Variants in ABHD17B observed in about 807,000 individuals in gnomAD.
ABHD17B encodes the protein alpha/beta hydrolase domain-containing protein 17B.
Under a neutral mutation model 26.2 loss-of-function variants are expected in ABHD17B, and 9 were observed. That is an observed-to-expected ratio of 0.34 (90% CI 0.21 to 0.60). The LOEUF is 0.60. ABHD17B is among the 20% of genes least tolerant of loss of function. The pLI is 0.80. For missense variants in ABHD17B, 224 were observed against 352.1 expected (o/e 0.64, Z 2.91); for synonymous variants, 127 against 122.3 (o/e 1.04, Z -0.25).
At chr9:71,862,609 T>C (rs1279880082), downstream of ABHD17B, 1 of 1,253,526 alleles carries the variant, frequency 8.0e-7, no homozygotes, top group Admixed American at 1.7e-5. Context: ...TTTCTGCACC[T>C]GTAAAATAAA....
intron 2 of ABHD17B, among the ~76,000 whole-genome samples, chr9:71,870,948 AG>A (rs1257599844): frequency 6.6e-6 from 1 of 152,200 alleles, no homozygotes; most frequent in Non-Finnish European, 1.5e-5. Context: ...AAATGGCCAC[AG>A]GTTTAAATAG....
chr9:71,903,195 T>C (rs1306092156), intron 1 of ABHD17B, among the ~76,000 whole-genome samples: 1 of 152,166 alleles, frequency 6.6e-6, no homozygotes, highest in Non-Finnish European at 1.5e-5. Flanking sequence ...TCCTTTTTTT[T>C]TTCACTGATA....
chr9:71,904,191 T>C (rs1241077002), intron 1 of ABHD17B, among the ~76,000 whole-genome samples: 2 of 152,204 alleles, frequency 1.3e-5, no homozygotes, highest in Non-Finnish European at 2.9e-5. Flanking sequence ...CTTTCTAATA[T>C]ATTATTTGTT....
intron 1 of ABHD17B, among the ~76,000 whole-genome samples, chr9:71,903,522 A>G (rs1827202307): frequency 6.6e-6 from 1 of 152,230 alleles, no homozygotes; most frequent in Non-Finnish European, 1.5e-5. Flanking sequence ...AAGATGATAC[A>G]TATCCATTGC....
chr9:71,876,924 T>C (rs1171937266), intron 1 of ABHD17B, among the ~76,000 whole-genome samples: 1 of 152,164 alleles, frequency 6.6e-6, no homozygotes, highest in African/African-American at 2.4e-5. Flanking sequence ...CCTTTATTTC[T>C]TTTTAGGCTT....
downstream of ABHD17B, among the ~76,000 whole-genome samples, chr9:71,864,930 G>A (rs1231880093): frequency 6.6e-6 from 1 of 151,944 alleles, no homozygotes; most frequent in African/African-American, 2.4e-5. Flanking sequence ...GATTTCCCCA[G>A]GTAATCAAAG....
chr9:71,868,226 AAAAGAAAG>A (rs539115154), intron 3 of ABHD17B, among the ~76,000 whole-genome samples: 9 of 151,934 alleles, frequency 5.9e-5, no homozygotes, highest in African/African-American at 1.9e-4. Flanking sequence ...CTCAGAAAAA[AAAAGAAAG>A]AAAGAAAGAA....
intron 3 of ABHD17B, among the ~76,000 whole-genome samples, chr9:71,867,446 TAAA>T (rs969738817): frequency 1.3e-5 from 2 of 152,176 alleles, no homozygotes; most frequent in African/African-American, 4.8e-5. Context: ...TGTTTGAGGA[TAAA>T]GATACAAAAA....
intron 1 of ABHD17B, among the ~76,000 whole-genome samples, chr9:71,884,429 A>C (rs1451474908): frequency 6.6e-6 from 1 of 151,742 alleles, no homozygotes; most frequent in Non-Finnish European, 1.5e-5. Context: ...ATAGAAAATT[A>C]ACACAGTCAG....
rs1315532672 is a variant in ABHD17B at position 71,874,749 on chromosome 9, T to TA, written c.331dup (p.Tyr111LeufsTer9). The TA allele has an allele frequency of 6.2e-7, 1 of 1,614,236 alleles. No homozygotes were observed. Among genetic ancestry groups the TA allele is most frequent in the South Asian group, 1.1e-5 (1 of 91,082 alleles). On this transcript the variant is annotated frameshift_variant, in exon 2 of 4. Coordinates refer to ENST00000333421, the MANE Select transcript of ABHD17B (RefSeq NM_001025780.3). LOFTEE classifies it high-confidence loss of function. ...ATTAATCCGTGATCCTAGTCCTATG[T>TA]AAAAGCTGCTCATTTGACCAAGATC...
At chr9:71,910,409 C>T (rs1396772744) in intron 1 of ABHD17B, among the ~76,000 whole-genome samples, 1 of 152,202 alleles carries the variant, frequency 6.6e-6, no homozygotes, top group Non-Finnish European at 1.5e-5. Flanking sequence ...CGCTCCCCTT[C>T]ACGCAACCAT....
chr9:71,881,977 A>G (rs942498833), intron 1 of ABHD17B, among the ~76,000 whole-genome samples: 2 of 152,192 alleles, frequency 1.3e-5, no homozygotes, highest in Admixed American at 6.5e-5. Context: ...TTTCTCCAAA[A>G]GATATACAAA....
chr9:71,907,939 C>T (rs1312147351), intron 1 of ABHD17B, among the ~76,000 whole-genome samples: 1 of 152,204 alleles, frequency 6.6e-6, no homozygotes, highest in Non-Finnish European at 1.5e-5. Flanking sequence ...TTGGACAAAA[C>T]TCTTGGGCAT....
intron 2 of ABHD17B, among the ~76,000 whole-genome samples, chr9:71,871,648 T>C (rs1259025415): frequency 2.6e-5 from 4 of 152,180 alleles, no homozygotes; most frequent in African/African-American, 9.7e-5. Flanking sequence ...CAATTAAGCA[T>C]GAGGGGACTC....
rs779071893 is a variant in ABHD17B at position 71,874,815 on chromosome 9, T to C, written c.266A>G (p.Asn89Ser). The C allele has an allele frequency of 5.6e-6, 9 of 1,614,228 alleles. No homozygotes were observed. Among genetic ancestry groups the C allele is most frequent in the African/African-American group, 1.3e-5 (1 of 75,054 alleles). Residue 89 changes from asparagine to serine, a missense_variant, in exon 2 of 4, where the codon AAT becomes AGT. Transcript: ENST00000333421. Reference protein sequence around the residue: ...IACMFVRCSPNAKYTLLFSHG... With the variant: ...IACMFVRCSPSAKYTLLFSHG... ...TGAGAAGAGTAAAGTGTATTTCGCA[T>C]TGGGTGAACAACGTACAAACATACA...
chr9:71,880,933 T>C (rs949803165), intron 1 of ABHD17B, among the ~76,000 whole-genome samples: 37 of 151,852 alleles, frequency 2.4e-4, no homozygotes, highest in African/African-American at 8.7e-4. Flanking sequence ...TAAAGGTCTA[T>C]AGAAAATAAA....
intron 1 of ABHD17B, among the ~76,000 whole-genome samples, chr9:71,893,441 C>G (rs1330763087): frequency 2.0e-5 from 3 of 152,178 alleles, no homozygotes; most frequent in African/African-American, 7.2e-5. Flanking sequence ...GCACAGAACT[C>G]AGGGAGACAG....
At chr9:71,875,665 A>C (rs569697073) in intron 1 of ABHD17B, among the ~76,000 whole-genome samples, 4 of 152,338 alleles carry the variant, frequency 2.6e-5, no homozygotes, top group African/African-American at 9.6e-5. Context: ...AAAATGATAA[A>C]GGTAATATTT....
rs532073207 is a variant in ABHD17B, at chr9:71,890,448, C to T, written c.-3-15365G>A. ...CAACTTTAGGAAGTTTCTTCTGGCTCCCCCATGTAATCATATACCATTATT... is the reference window on the plus strand; with the variant it reads ...CAACTTTAGGAAGTTTCTTCTGGCTTCCCCATGTAATCATATACCATTATT... On this transcript the variant is annotated intron_variant, in intron 1 of 3. Transcript: ENST00000333421. Among the ~76,000 whole-genome samples the T allele has an allele frequency of 5.9e-5, 9 of 152,310 alleles. No individual in the cohort carries two copies. The East Asian group carries it at 1.5e-3, about 26-fold the overall frequency.
Sources: gnomAD v4.1 joint callset for allele counts (sites outside exome capture counted in the v4.1 genomes callset) on GRCh38, gnomAD v4.1.1 for gene constraint, MANE v1.5 for transcripts, NCBI Gene and HGNC (gene_info 2026-07-23, HGNC 2026-07-21) for gene names.